LRRC1: variants seen among roughly 807,000 people sequenced by gnomAD.
LRRC1 encodes leucine rich repeat containing 1.
In LRRC1, 28 loss-of-function variants were observed where a neutral mutation model predicts 69.9. The ratio of observed to expected loss-of-function variants is 0.40; its 90% confidence interval spans 0.30 to 0.55. LRRC1 has a LOEUF of 0.55. Among genes scored for constraint, LRRC1 ranks in the 20% least tolerant of loss-of-function variants. LRRC1 has a pLI of 0.47. For missense variants in LRRC1, 498 were observed against 609.0 expected, an observed-to-expected ratio of 0.82 and a Z score of 1.92; for synonymous variants, 236 against 240.2, an observed-to-expected ratio of 0.98 and a Z score of 0.16.
chr6:53,807,746 G>A (rs948707687), intron 1 of LRRC1, among the ~76,000 whole-genome samples: 1 of 69,072 alleles, frequency 1.4e-5, no homozygotes, highest in Non-Finnish European at 3.1e-5. Context: ...ACTCCGTGTC[G>A]TCAACAACAA....
chr6:53,906,898 T>A (rs569544721), intron 10 of LRRC1, among the ~76,000 whole-genome samples: 1 of 152,344 alleles, frequency 6.6e-6, no homozygotes, highest in East Asian at 1.9e-4. Flanking sequence ...CCTACTTACA[T>A]ACACTCAGCT....
chr6:53,904,346 GTTAAA>G (rs1768165029), intron 9 of LRRC1, 28 bp from the exon 10 acceptor site: 3 of 1,348,496 alleles, frequency 2.2e-6, no homozygotes, highest in Admixed American at 1.8e-5. Context: ...AAAAATGTGT[GTTAAA>G]TTAATAGTGA....
intron 1 of LRRC1, among the ~76,000 whole-genome samples, chr6:53,807,059 A>G (rs1280492790): frequency 6.6e-6 from 1 of 152,166 alleles, no homozygotes; most frequent in African/African-American, 2.4e-5. Flanking sequence ...GTATTTTGAG[A>G]AACAGTTTGG....
At chr6:53,798,216 C>T (rs186526997) in intron 1 of LRRC1, among the ~76,000 whole-genome samples, 15 of 152,296 alleles carry the variant, frequency 9.8e-5, no homozygotes, top group Non-Finnish European at 1.9e-4. Flanking sequence ...CCCTCATCTT[C>T]AGTTTGGTTG....
chr6:53,901,062 T>A (rs1233492745), intron 8 of LRRC1, among the ~76,000 whole-genome samples: 1 of 41,576 alleles, frequency 2.4e-5, no homozygotes, highest in African/African-American at 8.2e-5. Flanking sequence ...TTTGGCTCTA[T>A]GCGAGATGTT....
intron 4 of LRRC1, among the ~76,000 whole-genome samples, chr6:53,888,457 C>A (rs9370240): frequency 0.37 from 56,480 of 151,874 alleles, 11,098 homozygotes; most frequent in East Asian, 0.68. Context: ...AAAGAAGACT[C>A]AATAAGTGGT....
chr6:53,905,647 GT>G (rs1213443443), intron 10 of LRRC1, among the ~76,000 whole-genome samples: 2 of 152,026 alleles, frequency 1.3e-5, no homozygotes, highest in South Asian at 4.2e-4. Context: ...TGGCGTTCTT[GT>G]TTTCCTAGGG....
At chr6:53,912,928 A>G (rs1295013419) in intron 10 of LRRC1, among the ~76,000 whole-genome samples, 2 of 152,120 alleles carry the variant, frequency 1.3e-5, no homozygotes, top group Admixed American at 6.5e-5. Context: ...GTAGTACTTT[A>G]TGGAGTCCTG....
At chr6:53,892,244 A>G (rs894659932) in intron 4 of LRRC1, among the ~76,000 whole-genome samples, 1 of 152,122 alleles carries the variant, frequency 6.6e-6, no homozygotes, top group African/African-American at 2.4e-5. Flanking sequence ...TTCTCATCCG[A>G]TAAGTTAATT....
At chr6:53,920,788 T>C (rs1562076536) in intron 13 of LRRC1, 27 bp downstream of exon 13, 1 of 1,613,388 alleles carries the variant, frequency 6.2e-7, no homozygotes, top group Non-Finnish European at 8.5e-7. Flanking sequence ...TCTTTGCCTC[T>C]GTGGAAGTTC....
At position 53,908,922 on chromosome 6, in the gene LRRC1, T is replaced by G. The variant is rs573066125; in HGVS notation, c.990+4460T>G. ...CAGTATTCACAAAAAAATTTAATAA[T>G]GCCAAATTTTGGCAAGGGTGGAGGG... On this transcript the variant is annotated intron_variant, in intron 10 of 13. Coordinates refer to ENST00000370888, the MANE Select transcript of LRRC1 (RefSeq NM_018214.5). Among the ~76,000 whole-genome samples the G allele has an allele frequency of 5.6e-3, 848 of 152,326 alleles. 5 individuals are homozygous for G. The highest frequency in any genetic ancestry group is 7.7e-3 in the Admixed American group (118 of 15,302).
At chr6:53,823,809 A>G (rs1047516123) in intron 1 of LRRC1, among the ~76,000 whole-genome samples, 2 of 152,204 alleles carry the variant, frequency 1.3e-5, no homozygotes, top group African/African-American at 2.4e-5. Flanking sequence ...TATTCCTGCA[A>G]AGGACATGAT....
chr6:53,887,484 A>AG (rs1012748083), intron 4 of LRRC1, among the ~76,000 whole-genome samples: 8 of 150,284 alleles, frequency 5.3e-5, no homozygotes, highest in African/African-American at 2.0e-4. Context: ...TCGGTGGGGT[A>AG]GGGACTCTTT....
chr6:53,892,005 T>G (rs977724864), intron 4 of LRRC1, among the ~76,000 whole-genome samples: 61 of 71,660 alleles, frequency 8.5e-4, no homozygotes, highest in African/African-American at 2.8e-3. Flanking sequence ...AAAAAATATA[T>G]ATATATACAC....
intron 2 of LRRC1, among the ~76,000 whole-genome samples, chr6:53,857,505 G>T (rs1766349581): frequency 6.6e-6 from 1 of 152,198 alleles, no homozygotes; most frequent in Non-Finnish European, 1.5e-5. Context: ...AGAACCTTGG[G>T]AAGCACCATT....
At position 53,842,377 on chromosome 6, in the gene LRRC1, G is replaced by T. The variant is rs1581867254; in HGVS notation, c.277+150G>T. The T allele has an allele frequency of 8.5e-6, 5 of 590,010 alleles. No individual in the cohort carries two copies. In the East Asian group the frequency reaches 1.4e-4, roughly 16 times the overall value. The allele number at this position is 590,010 out of a possible 1,614,324, so 36.5% of individuals were successfully genotyped here. ...AATGATGGTTTCCAGCTTCATCCAT[G>T]TCCCAAATATAGCTAGATAAATATT... On this transcript the variant is annotated intron_variant, in intron 2 of 13. Transcript: ENST00000370888.
At chr6:53,812,458 A>G (rs1764819327) in intron 1 of LRRC1, among the ~76,000 whole-genome samples, 1 of 152,186 alleles carries the variant, frequency 6.6e-6, no homozygotes, top group African/African-American at 2.4e-5. Context: ...TGGGAGGCCG[A>G]GGCGGGCGGA....
intron 10 of LRRC1, among the ~76,000 whole-genome samples, chr6:53,907,905 A>G (rs1355620453): frequency 6.6e-6 from 1 of 152,128 alleles, no homozygotes. Flanking sequence ...TTTTCACTAA[A>G]TTGTAAGTTT....
intron 1 of LRRC1, among the ~76,000 whole-genome samples, chr6:53,797,552 T>C (rs749315877): frequency 9.9e-5 from 15 of 152,092 alleles, no homozygotes; most frequent in Non-Finnish European, 2.2e-4. Flanking sequence ...CAAACCCCTG[T>C]CTCCTTACCT....
Sources: allele counts gnomAD v4.1 joint callset (sites outside exome capture counted in the v4.1 genomes callset), GRCh38; gene constraint gnomAD v4.1.1; transcripts MANE v1.5; gene names NCBI Gene and HGNC (gene_info 2026-07-23, HGNC 2026-07-21).